Variants in CDH4 observed in about 807,000 individuals in gnomAD.
CDH4 encodes cadherin-4.
In CDH4, 33 loss-of-function variants were observed where a neutral mutation model predicts 86.0. The ratio of observed to expected loss-of-function variants is 0.38; its 90% CI spans 0.29 to 0.51. The LOEUF (loss-of-function observed/expected upper bound fraction) is 0.51. Ranked by LOEUF, CDH4 falls within the 20% of genes least tolerant of loss-of-function variation. CDH4 has a pLI of 0.86. For missense variants in CDH4, 1,114 were observed against 1,307.4 expected (o/e 0.85, Z 2.28); for synonymous variants, 555 against 549.4 (o/e 1.01, Z -0.14).
At chr20:61,588,629 C>G (rs145733905) in intron 2 of CDH4, among the ~76,000 whole-genome samples, 3 of 152,116 alleles carry the variant, frequency 2.0e-5, no homozygotes, top group African/African-American at 4.8e-5. Context: ...GGCCCTCCCC[C>G]TCCCGAGACC....
At chr20:61,461,255 C>T (rs2085440392) in intron 2 of CDH4, among the ~76,000 whole-genome samples, 1 of 152,012 alleles carries the variant, frequency 6.6e-6, no homozygotes, top group Non-Finnish European at 1.5e-5. Flanking sequence ...AGAAAGACAG[C>T]AAGGAAGACA....
chr20:61,654,604 C>T lies in CDH4; in HGVS notation c.170-88959C>T, dbSNP rs576675026. Among the ~76,000 whole-genome samples, 15 of 152,310 alleles carry T rather than the reference C, an allele frequency of 9.8e-5. No homozygotes were observed. In the South Asian group the frequency reaches 2.1e-3, roughly 21 times the overall value. ...TTGTAATTTATTCCACAGTTTTATT[C>T]ATTAGGTGTCTCTTAGTCCATTTCC... On this transcript the variant is annotated intron_variant, in intron 2 of 15. Transcript: ENST00000614565.
intron 7 of CDH4, among the ~76,000 whole-genome samples, chr20:61,886,817 A>G (rs956416501): frequency 6.6e-5 from 10 of 152,164 alleles, no homozygotes; most frequent in Non-Finnish European, 1.5e-4. Context: ...CCCTTGGAGG[A>G]CTGCACACAG....
chr20:61,358,873 T>C (rs538783276), intron 2 of CDH4, among the ~76,000 whole-genome samples: 2 of 152,286 alleles, frequency 1.3e-5, no homozygotes, highest in East Asian at 3.9e-4. Context: ...TCATGCGGCA[T>C]GCTCACCGTC....
At chr20:61,296,282 TGC>T (rs1555834484) in intron 2 of CDH4, among the ~76,000 whole-genome samples, 3,466 of 90,804 alleles carry the variant, frequency 0.038, 155 homozygotes, top group African/African-American at 0.11. Context: ...TGTGCGTGGG[TGC>T]GTGTGTGTGT....
At chr20:61,844,898 C>A (rs1043424860) in intron 5 of CDH4, 75 bp downstream of exon 5, 5 of 1,430,088 alleles carry the variant, frequency 3.5e-6, no homozygotes, top group Non-Finnish European at 4.8e-6. Context: ...GGCAGGTGCC[C>A]CCAGCAGGGC....
At chr20:61,273,430 G>T (rs2084198591) in intron 2 of CDH4, among the ~76,000 whole-genome samples, 1 of 96,444 alleles carries the variant, frequency 1.0e-5, no homozygotes, top group Non-Finnish European at 2.1e-5. Flanking sequence ...TGTGCAGTTT[G>T]GGGGAGGACC....
Position 61,252,517 on chromosome 20 carries a change from A to G in CDH4, c.4A>G (p.Thr2Ala). Residue 2 changes from threonine to alanine, a missense_variant, in exon 1 of 16, where the codon ACC becomes GCC. Around this residue, in one of 3 missense-constraint regions of CDH4, gnomAD observed 221 missense variants for 209.5 expected, o/e 1.05. Coordinates refer to ENST00000614565, the MANE Select transcript of CDH4 (RefSeq NM_001794.5). This position sits in a 1 kb window ranked among gnomAD's most constrained non-coding sequence, Gnocchi z 4.4. M[T>A]AGAGVLLLLL... ...CACCGGGCGGGCGGCGGGGAAGATG[A>G]CCGCGGGCGCCGGCGTGCTCCTTCT... 1 of 1,185,566 alleles carries G rather than the reference A, an allele frequency of 8.4e-7. No homozygotes were observed. 73.4% of individuals were successfully genotyped at this position (1,185,566 alleles called of 1,614,324 possible).
chr20:61,824,880 G>C (rs1981238555), intron 4 of CDH4, among the ~76,000 whole-genome samples: 1 of 152,226 alleles, frequency 6.6e-6, no homozygotes, highest in Non-Finnish European at 1.5e-5. Context: ...TAAATTTTCT[G>C]AGTGTTGACA....
At chr20:61,332,373 G>A (rs944726577) in intron 2 of CDH4, among the ~76,000 whole-genome samples, 2 of 152,200 alleles carry the variant, frequency 1.3e-5, no homozygotes, top group Admixed American at 6.5e-5. Context: ...ACTGCACAGC[G>A]TCCCCAGCCT....
chr20:61,538,339 A>G (rs2086013441), intron 2 of CDH4, among the ~76,000 whole-genome samples: 1 of 152,138 alleles, frequency 6.6e-6, no homozygotes, highest in African/African-American at 2.4e-5. Context: ...GGGCTGGTGC[A>G]CCAGAGATTG....
intron 2 of CDH4, among the ~76,000 whole-genome samples, chr20:61,406,148 T>TC (rs1181047090): frequency 1.3e-5 from 2 of 152,222 alleles, no homozygotes; most frequent in East Asian, 3.8e-4. Context: ...GTCGGGATTT[T>TC]TCAGGATCCC....
chr20:61,276,858 C>T (rs1034877083), intron 2 of CDH4, among the ~76,000 whole-genome samples: 4 of 152,170 alleles, frequency 2.6e-5, no homozygotes, highest in Middle Eastern at 3.2e-3. Flanking sequence ...TTCCTAGACA[C>T]CTGTGGGTTC....
chr20:61,656,283 AGGCG>A (rs1600845832), intron 2 of CDH4, among the ~76,000 whole-genome samples: 2 of 92,092 alleles, frequency 2.2e-5, no homozygotes, highest in South Asian at 3.8e-4. Context: ...TGGGGTGGGC[AGGCG>A]CGTGCTGGGG....
At chr20:61,277,376 C>T (rs1193201667) in intron 2 of CDH4, among the ~76,000 whole-genome samples, 3 of 151,968 alleles carry the variant, frequency 2.0e-5, no homozygotes, top group African/African-American at 4.8e-5. Context: ...TTTGTGTGTG[C>T]GTGTGTATGC....
chr20:61,867,056 A>G (rs1474579501), intron 6 of CDH4, among the ~76,000 whole-genome samples: 1 of 152,338 alleles, frequency 6.6e-6, no homozygotes, highest in East Asian at 1.9e-4. Flanking sequence ...CCAGTGAGGA[A>G]CCAGCAGGAG....
At chr20:61,768,441 T>G (rs1056557704) in intron 3 of CDH4, among the ~76,000 whole-genome samples, 5 of 152,336 alleles carry the variant, frequency 3.3e-5, no homozygotes, top group African/African-American at 9.6e-5. Context: ...TAGTTTCTGG[T>G]AATGGTGTAG....
At chr20:61,383,133 TA>T (rs1171149534) in intron 2 of CDH4, among the ~76,000 whole-genome samples, 7 of 84,622 alleles carry the variant, frequency 8.3e-5, no homozygotes, top group South Asian at 2.7e-4. Flanking sequence ...ATGAATATAT[TA>T]TATATATGAA....
chr20:61,371,162 A>T (rs1048997726), intron 2 of CDH4, among the ~76,000 whole-genome samples: 4 of 151,784 alleles, frequency 2.6e-5, no homozygotes, highest in Non-Finnish European at 5.9e-5. Flanking sequence ...GGAGCCCTGC[A>T]GAAGGCTCTA....
Sources: gnomAD v4.1 joint callset for allele counts (sites outside exome capture counted in the v4.1 genomes callset) on GRCh38, gnomAD v4.1.1 for gene constraint, gnomAD v4.1.1 regional missense constraint, Gnocchi (gnomAD v3.1) non-coding constraint, MANE v1.5 for transcripts, NCBI Gene and HGNC (gene_info 2026-07-23, HGNC 2026-07-21) for gene names.